The following WDPCP variants were observed in gnomAD, a reference collection of about 807,000 sequenced individuals.
WDPCP encodes WD repeat-containing and planar cell polarity effector protein fritz homolog.
WDPCP carries 71 observed loss-of-function variants against 93.1 expected under a neutral mutation model. The observed-to-expected ratio is 0.76, with a 90% CI of 0.63 to 0.93. The LOEUF (loss-of-function observed/expected upper bound fraction) is 0.93. Ranked by LOEUF, WDPCP falls within the 40% of genes least tolerant of loss-of-function variation. WDPCP has a pLI of 0.00. For missense variants in WDPCP, 844 were observed against 887.4 expected, an observed-to-expected ratio of 0.95 and a Z score of 0.62; for synonymous variants, 315 against 315.0, an observed-to-expected ratio of 1.00 and a Z score of 0.00.
At chr2:63,761,987 G>A (rs1436858251) in intron 2 of WDPCP, among the ~76,000 whole-genome samples, 5 of 152,000 alleles carry the variant, frequency 3.3e-5, no homozygotes, top group South Asian at 4.2e-4. Flanking sequence ...AAAAAAACAC[G>A]TGCATCAGAT....
intron 12 of WDPCP, among the ~76,000 whole-genome samples, chr2:63,356,805 G>T (rs1050393718): frequency 7.2e-5 from 11 of 152,222 alleles, no homozygotes; most frequent in Admixed American, 7.2e-4. Context: ...AGCACTAAAT[G>T]TCCACACTGA....
intron 15 of WDPCP, among the ~76,000 whole-genome samples, chr2:63,161,521 C>G (rs916286237): frequency 6.6e-6 from 1 of 152,078 alleles, no homozygotes; most frequent in Non-Finnish European, 1.5e-5. Flanking sequence ...GAAACACACA[C>G]TTCAATATTT....
chr2:63,285,318 C>A (rs1046732948), intron 13 of WDPCP, among the ~76,000 whole-genome samples: 1 of 151,696 alleles, frequency 6.6e-6, no homozygotes, highest in African/African-American at 2.4e-5. Context: ...GCTGTAGTCC[C>A]AGCTACTCAG....
At chr2:63,129,661 A>T (rs956021923) in intron 17 of WDPCP, among the ~76,000 whole-genome samples, 3 of 152,106 alleles carry the variant, frequency 2.0e-5, no homozygotes, top group African/African-American at 7.2e-5. Flanking sequence ...TAGTTCTTCT[A>T]TATTCTGGTT....
intron 14 of WDPCP, among the ~76,000 whole-genome samples, chr2:63,237,158 A>G (rs927262286): frequency 6.6e-5 from 10 of 152,102 alleles, no homozygotes; most frequent in African/African-American, 2.4e-4. Context: ...TAACCCCATT[A>G]AAAAGTGGGC....
chr2:63,596,028 G>A (rs544318709), intron 3 of WDPCP, among the ~76,000 whole-genome samples: 6 of 152,218 alleles, frequency 3.9e-5, no homozygotes, highest in African/African-American at 1.4e-4. Context: ...AGTGTAAATT[G>A]TCCTTACCAT....
the WDPCP span, among the ~76,000 whole-genome samples, chr2:63,837,418 A>C: frequency 6.6e-6 from 1 of 152,166 alleles, no homozygotes; most frequent in Admixed American, 6.5e-5. Flanking sequence ...ATGGGAGCCA[A>C]TATTGAGTAT....
intron 14 of WDPCP, among the ~76,000 whole-genome samples, chr2:63,176,366 C>A (rs1487938002): frequency 6.6e-6 from 1 of 152,030 alleles, no homozygotes; most frequent in South Asian, 2.1e-4. Flanking sequence ...CCACCTCAGC[C>A]CTCTTGAGTA....
In WDPCP at chr2:63,120,680, C is replaced by T. The variant is rs1174015370; in HGVS notation, c.*1326G>A. On this transcript the variant is annotated 3_prime_UTR_variant, in exon 18 of 18. Transcript: ENST00000272321. ...TAGTTGGGACTACAGGTGCACGCCA[C>T]CACGCCCGGCTAATTTTTTTTTTTT... 1.3e-5 allele frequency among the ~76,000 whole-genome samples: 2 copies of T among 150,672 alleles called. No homozygotes were observed. Among genetic ancestry groups the T allele is most frequent in the African/African-American group, 2.4e-5 (1 of 41,096 alleles).
intron 2 of WDPCP, among the ~76,000 whole-genome samples, chr2:63,762,142 A>G (rs1199946054): frequency 6.6e-6 from 1 of 152,194 alleles, no homozygotes; most frequent in African/African-American, 2.4e-5. Context: ...CAGTGCAAAT[A>G]GCCTCAAACC....
intron 9 of WDPCP, among the ~76,000 whole-genome samples, chr2:63,420,370 A>AAAAAAAAAC (rs1256340357): frequency 1.2e-4 from 18 of 150,920 alleles, no homozygotes; most frequent in Non-Finnish European, 2.4e-4. Flanking sequence ...TTAAAAAAAA[A>AAAAAAAAAC]AAAAAACAGA....
intron 12 of WDPCP, among the ~76,000 whole-genome samples, chr2:63,327,593 A>T (rs1264211468): frequency 3.3e-5 from 5 of 152,122 alleles, no homozygotes; most frequent in African/African-American, 1.2e-4. Flanking sequence ...TAGGGGAAGA[A>T]CGTTGCTTTT....
intron 6 of WDPCP, among the ~76,000 whole-genome samples, chr2:63,446,474 G>A (rs1697876799): frequency 6.6e-6 from 1 of 152,174 alleles, no homozygotes; most frequent in South Asian, 2.1e-4. Context: ...TTAAAAGAGT[G>A]CTTTTAAATG....
At chr2:63,122,142 GA>G in intron 17 of WDPCP, 86 bp from the exon 18 acceptor site, 1 of 1,050,652 alleles carries the variant, frequency 9.5e-7, no homozygotes, top group Non-Finnish European at 1.5e-6. Flanking sequence ...TTTAAGTACT[GA>G]AAAATAGTGA....
At chr2:63,501,662 G>C (rs1200893245) in intron 1 of WDPCP, among the ~76,000 whole-genome samples, 1 of 152,168 alleles carries the variant, frequency 6.6e-6, no homozygotes, top group Non-Finnish European at 1.5e-5. Flanking sequence ...TGTCAGCCAG[G>C]CGGGAGTGCA....
chr2:63,258,720 A>T (rs866006083), intron 14 of WDPCP, among the ~76,000 whole-genome samples: 5 of 152,134 alleles, frequency 3.3e-5, no homozygotes, highest in Admixed American at 3.3e-4. Context: ...ACTGAGTTTT[A>T]AAAAAAGATG....
intron 3 of WDPCP, chr2:63,605,747 T>C (rs1709514751): frequency 3.3e-6 from 2 of 613,470 alleles, no homozygotes; most frequent in Admixed American, 2.8e-5. Flanking sequence ...TCACATATGA[T>C]ATGGAAGCGT....
intron 14 of WDPCP, among the ~76,000 whole-genome samples, chr2:63,248,671 G>A (rs1680476547): frequency 6.6e-6 from 1 of 152,016 alleles, no homozygotes; most frequent in African/African-American, 2.4e-5. Context: ...TGGTATATTT[G>A]ATGATGTCCC....
At chr2:63,347,675 T>G (rs1269666052) in intron 12 of WDPCP, among the ~76,000 whole-genome samples, 2 of 152,132 alleles carry the variant, frequency 1.3e-5, no homozygotes, top group Non-Finnish European at 2.9e-5. Flanking sequence ...TGTTGGGCTG[T>G]TTTTGTGGGG....
Sources: allele counts gnomAD v4.1 joint callset (sites outside exome capture counted in the v4.1 genomes callset), GRCh38; gene constraint gnomAD v4.1.1; transcripts MANE v1.5; gene names NCBI Gene and HGNC (gene_info 2026-07-23, HGNC 2026-07-21).